The following PSD3 variants were observed in gnomAD, a reference collection of about 807,000 sequenced individuals.
PSD3 encodes PH and SEC7 domain-containing protein 3.
PSD3 carries 49 observed loss-of-function variants against 105.5 expected under a neutral mutation model. The observed-to-expected ratio is 0.46, with a 90% CI of 0.37 to 0.59. The LOEUF (loss-of-function observed/expected upper bound fraction) is 0.59. Ranked by LOEUF, PSD3 falls within the 20% of genes least tolerant of loss-of-function variation. The pLI is 0.00. For synonymous variants in PSD3, 557 were observed against 457.8 expected (o/e 1.22, Z -2.77); for missense variants, 1,561 against 1,263.8 (o/e 1.24, Z -3.57).
At chr8:18,877,679 C>T (rs1245538318) in intron 2 of PSD3, among the ~76,000 whole-genome samples, 5 of 151,904 alleles carry the variant, frequency 3.3e-5, no homozygotes, top group Admixed American at 3.3e-4. Flanking sequence ...GTAGCTGGGG[C>T]TATACGCATG....
chr8:18,844,368 A>G (rs1814907055), intron 4 of PSD3, among the ~76,000 whole-genome samples: 1 of 152,176 alleles, frequency 6.6e-6, no homozygotes, highest in Admixed American at 6.5e-5. Context: ...AGACACTTAT[A>G]CCTTCCATCA....
chr8:18,916,141 C>G (rs922486281), intron 2 of PSD3, among the ~76,000 whole-genome samples: 8 of 151,322 alleles, frequency 5.3e-5, no homozygotes, highest in African/African-American at 1.9e-4. Flanking sequence ...CCATATGATC[C>G]AGCAATCCCA....
At chr8:18,546,834 CTTCT>C (rs1163477042) in intron 15 of PSD3, among the ~76,000 whole-genome samples, 1 of 152,154 alleles carries the variant, frequency 6.6e-6, no homozygotes, top group African/African-American at 2.4e-5. Context: ...CTACCCTCTG[CTTCT>C]TTGTGTTTGA....
intron 1 of PSD3, among the ~76,000 whole-genome samples, chr8:19,025,350 T>G (rs896569911): frequency 1.3e-5 from 2 of 152,016 alleles, no homozygotes; most frequent in Non-Finnish European, 2.9e-5. Flanking sequence ...CCCATAAAGG[T>G]AGAAACTCCA....
chr8:18,684,204 CCACACACACA>C (rs67855105), intron 9 of PSD3: 8,194 of 195,456 alleles, frequency 0.042, 255 homozygotes, highest in African/African-American at 0.094. Context: ...TCTCTCTTTT[CCACACACACA>C]CACACACACA....
intron 1 of PSD3, among the ~76,000 whole-genome samples, chr8:18,992,021 G>A (rs1825833086): frequency 1.3e-5 from 2 of 152,184 alleles, no homozygotes; most frequent in South Asian, 4.1e-4. Context: ...TGAATCATCA[G>A]TGAAAATGTC....
At chr8:18,946,268 A>AT (rs1299638630) in intron 1 of PSD3, among the ~76,000 whole-genome samples, 1 of 152,036 alleles carries the variant, frequency 6.6e-6, no homozygotes, top group East Asian at 1.9e-4. Flanking sequence ...CATGTGTAGC[A>AT]TTTTTTTCCT....
At chr8:18,829,163 A>C (rs369320415) in intron 4 of PSD3, among the ~76,000 whole-genome samples, 1 of 152,154 alleles carries the variant, frequency 6.6e-6, no homozygotes, top group African/African-American at 2.4e-5. Flanking sequence ...AGGTGGATCA[A>C]CTGAAGGCAC....
At chr8:18,938,542 G>C (rs1822306561) in intron 1 of PSD3, among the ~76,000 whole-genome samples, 1 of 150,114 alleles carries the variant, frequency 6.7e-6, no homozygotes, top group Non-Finnish European at 1.5e-5. Context: ...AGAATCGCTT[G>C]AACCTGGGAC....
intron 1 of PSD3, among the ~76,000 whole-genome samples, chr8:19,060,665 T>C (rs1382341677): frequency 1.3e-5 from 2 of 152,182 alleles, no homozygotes; most frequent in East Asian, 3.9e-4. Context: ...CAAATGTCAA[T>C]AGATCTTGGC....
At chr8:18,823,355 T>C (rs184329424) in intron 4 of PSD3, among the ~76,000 whole-genome samples, 69 of 152,314 alleles carry the variant, frequency 4.5e-4, no homozygotes, top group Middle Eastern at 3.4e-3. Flanking sequence ...AAATAAAAAC[T>C]AAACATCCTT....
chr8:18,702,909 G>A (rs1386800079), intron 9 of PSD3, among the ~76,000 whole-genome samples: 3 of 152,096 alleles, frequency 2.0e-5, no homozygotes, highest in African/African-American at 4.8e-5. Context: ...ACCGCGCTTG[G>A]ACAGCTATAG....
intron 2 of PSD3, among the ~76,000 whole-genome samples, chr8:18,926,526 C>G (rs908387095): frequency 3.3e-5 from 5 of 152,108 alleles, no homozygotes; most frequent in Admixed American, 2.6e-4. Context: ...AAAAGATGCT[C>G]AATGTCATTA....
chr8:18,782,225 T>G lies in PSD3; in HGVS notation c.2083-16687A>C, dbSNP rs1808704540. Among the ~76,000 whole-genome samples, 5 of 152,184 alleles carry G rather than the reference T, an allele frequency of 3.3e-5. 1 individual carries two copies. The South Asian group carries it at 1.0e-3, about 32-fold the overall frequency. On this transcript the variant is annotated intron_variant, in intron 8 of 15. Coordinates refer to ENST00000327040, the MANE Select transcript of PSD3 (RefSeq NM_015310.4). ...TTATTGTGTTCCTTTGATGGTTTCA[T>G]GCTTCCTTGATTTCTCATGTTTCTT...
At chr8:18,648,072 G>A (rs933945958) in intron 10 of PSD3, among the ~76,000 whole-genome samples, 2 of 152,172 alleles carry the variant, frequency 1.3e-5, no homozygotes. Flanking sequence ...TATCCTTTAT[G>A]GCAGTGCCAG....
intron 1 of PSD3, among the ~76,000 whole-genome samples, chr8:18,998,518 T>C (rs1299902956): frequency 1.3e-5 from 2 of 151,968 alleles, no homozygotes; most frequent in African/African-American, 4.8e-5. Flanking sequence ...AAACCCCGTC[T>C]CTACTAAAAA....
At chr8:18,631,571 T>C (rs1471077377) in intron 11 of PSD3, among the ~76,000 whole-genome samples, 3 of 151,614 alleles carry the variant, frequency 2.0e-5, no homozygotes, top group Non-Finnish European at 4.4e-5. Context: ...TGACAATCCA[T>C]CTTCAGGTGT....
intron 8 of PSD3, among the ~76,000 whole-genome samples, chr8:18,769,762 T>C (rs1203655139): frequency 2.6e-5 from 4 of 152,230 alleles, no homozygotes; most frequent in Non-Finnish European, 5.9e-5. Flanking sequence ...CTAGCTTCTT[T>C]TACTTAACAT....
chr8:18,702,289 G>A (rs1469846995), intron 9 of PSD3, among the ~76,000 whole-genome samples: 1 of 152,166 alleles, frequency 6.6e-6, no homozygotes, highest in East Asian at 1.9e-4. Context: ...TTTTGGTGAT[G>A]GAGGAAATTT....
Sources: allele counts gnomAD v4.1 joint callset (sites outside exome capture counted in the v4.1 genomes callset), GRCh38; gene constraint gnomAD v4.1.1; transcripts MANE v1.5; gene names NCBI Gene and HGNC (gene_info 2026-07-23, HGNC 2026-07-21).